MPHOSPH9: variants seen among roughly 807,000 people sequenced by gnomAD.
MPHOSPH9 encodes M-phase phosphoprotein 9.
In MPHOSPH9, 88 loss-of-function variants were observed where a neutral mutation model predicts 145.5. The ratio of observed to expected loss-of-function variants is 0.60; its 90% CI spans 0.51 to 0.72. The LOEUF (loss-of-function observed/expected upper bound fraction) is 0.72, where lower values mean the gene tolerates loss of function less well. MPHOSPH9 is among the 30% of genes least tolerant of loss of function. MPHOSPH9 has a pLI of 0.00. For missense variants in MPHOSPH9, 1,238 were observed against 1,386.6 expected (o/e 0.89, Z 1.70); for synonymous variants, 435 against 486.2 (o/e 0.89, Z 1.39).
At chr12:123,235,531 A>ATT (rs538804885), upstream of MPHOSPH9, among the ~76,000 whole-genome samples, 2 of 141,328 alleles carry the variant, frequency 1.4e-5, no homozygotes, top group Non-Finnish European at 3.1e-5. Context: ...GGCCCAGCTA[A>ATT]TTTTTTTTTT....
chr12:123,173,191 A>G (rs1412520161), intron 16 of MPHOSPH9, among the ~76,000 whole-genome samples: 1 of 152,006 alleles, frequency 6.6e-6, no homozygotes, highest in African/African-American at 2.4e-5. Flanking sequence ...TCACTCGAGT[A>G]CCCTCTGAAT....
chr12:123,234,478 C>T (rs1050508993), upstream of MPHOSPH9, among the ~76,000 whole-genome samples: 9 of 152,178 alleles, frequency 5.9e-5, no homozygotes, highest in Admixed American at 2.6e-4. Context: ...TCACTTTAAC[C>T]TCTGCCTCCC....
At chr12:123,181,325 G>C (rs1376972458) in intron 13 of MPHOSPH9, 115 bp from the exon 14 acceptor site, 1 of 783,502 alleles carries the variant, frequency 1.3e-6, no homozygotes, top group Non-Finnish European at 2.1e-6. Context: ...TGTCATGAAA[G>C]AGAAAGGTCA....
chr12:123,218,304 G>C (rs2047055762), intron 6 of MPHOSPH9, 72 bp downstream of exon 6: 8 of 1,568,228 alleles, frequency 5.1e-6, no homozygotes, highest in Non-Finnish European at 8.7e-7. Flanking sequence ...CAAGAGTTTT[G>C]TTCATGAGCG....
chr12:123,201,388 T>G lies in MPHOSPH9; in HGVS notation c.1937+776A>C, dbSNP rs929901250. Among the ~76,000 whole-genome samples the G allele has an allele frequency of 2.0e-5, 3 of 152,242 alleles. No homozygotes were observed. In the South Asian group the frequency reaches 6.2e-4, roughly 32 times the overall value. On this transcript the variant is annotated intron_variant, in intron 11 of 23. Transcript: ENST00000606320. ...ATTTTCAATCTATTTAAGTCCTATT[T>G]ATTTATTTAGAGACAGGGTGTCGCT...
At chr12:123,174,928 T>C (rs997569660) in intron 16 of MPHOSPH9, among the ~76,000 whole-genome samples, 2 of 152,154 alleles carry the variant, frequency 1.3e-5, no homozygotes, top group African/African-American at 4.8e-5. Flanking sequence ...CTATAGATCC[T>C]ACCTCTAGAA....
At chr12:123,186,862 G>A (rs2045466427) in intron 13 of MPHOSPH9, among the ~76,000 whole-genome samples, 1 of 152,192 alleles carries the variant, frequency 6.6e-6, no homozygotes, top group African/African-American at 2.4e-5. Flanking sequence ...TCAGGAGGCT[G>A]AGGCAAGAGA....
At chr12:123,220,560 C>T (rs1227912854) in intron 5 of MPHOSPH9, among the ~76,000 whole-genome samples, 1 of 151,528 alleles carries the variant, frequency 6.6e-6, no homozygotes, top group African/African-American at 2.4e-5. Context: ...AGCAAGACTC[C>T]ATATCAAAAA....
intron 3 of MPHOSPH9, chr12:123,226,197 A>G (rs1419345262): frequency 6.0e-6 from 2 of 332,508 alleles, no homozygotes; most frequent in Non-Finnish European, 9.0e-6. Context: ...AACAAGCATA[A>G]AGTATAAAAA....
chr12:123,228,456 A>C (rs540086902), intron 2 of MPHOSPH9, among the ~76,000 whole-genome samples: 9 of 152,312 alleles, frequency 5.9e-5, no homozygotes, highest in Non-Finnish European at 1.3e-4. Context: ...TTGGGAGGCC[A>C]AGGCGGGCGG....
chr12:123,183,800 T>C (rs2045313615), intron 13 of MPHOSPH9, among the ~76,000 whole-genome samples: 2 of 152,042 alleles, frequency 1.3e-5, no homozygotes, highest in Non-Finnish European at 1.5e-5. Context: ...AGCAGTAGAC[T>C]GTTCAGCCAG....
intron 16 of MPHOSPH9, among the ~76,000 whole-genome samples, chr12:123,175,814 T>G (rs1593100793): frequency 8.8e-6 from 1 of 114,112 alleles, no homozygotes; most frequent in East Asian, 2.8e-4. Context: ...TACTTACATC[T>G]TTTCTTTAAA....
chr12:123,229,583 A>C (rs1221113485), intron 2 of MPHOSPH9, among the ~76,000 whole-genome samples: 1 of 152,246 alleles, frequency 6.6e-6, no homozygotes, highest in East Asian at 1.9e-4. Context: ...GTATTTCTGC[A>C]ACATAAAACA....
chr12:123,202,709 TG>T lies in MPHOSPH9; in HGVS notation c.1695del (p.Ser566ValfsTer18). ...ENTVMVASAS[V>X]SQSQLPGTAN... ...GCTGTACCTGGAAGCTGGGACTGAC[TG>T]ACTGAGGCCGAAGCAACCATGACAG... On this transcript the variant is annotated frameshift_variant, in exon 10 of 24. Transcript: ENST00000606320. LOFTEE classifies it high-confidence loss of function. 1 of 1,614,208 alleles carries T rather than the reference TG, an allele frequency of 6.2e-7. No individual in the cohort carries two copies. Among genetic ancestry groups the T allele is most frequent in the Non-Finnish European group, 8.5e-7 (1 of 1,180,042 alleles).
intron 17 of MPHOSPH9, 84 bp from the exon 18 acceptor site, chr12:123,165,561 TG>T (rs773767128): frequency 1.6e-6 from 2 of 1,240,062 alleles, no homozygotes; most frequent in Non-Finnish European, 1.1e-6. Context: ...ACATACATGT[TG>T]AAGCCCTAAT....
chr12:123,176,055 CA>C (rs1388900388), intron 16 of MPHOSPH9, among the ~76,000 whole-genome samples: 1 of 152,012 alleles, frequency 6.6e-6, no homozygotes, highest in Admixed American at 6.6e-5. Context: ...CCTCATTTGA[CA>C]ATTACAACTT....
intron 13 of MPHOSPH9, among the ~76,000 whole-genome samples, chr12:123,189,588 A>G (rs547944914): frequency 3.9e-5 from 6 of 152,194 alleles, no homozygotes; most frequent in Non-Finnish European, 8.8e-5. Flanking sequence ...TGCTACTACT[A>G]CATGTATCCA....
intron 3 of MPHOSPH9, among the ~76,000 whole-genome samples, chr12:123,225,587 A>C (rs1220888670): frequency 6.6e-6 from 1 of 151,424 alleles, no homozygotes; most frequent in African/African-American, 2.4e-5. Context: ...CAGGGAATAT[A>C]TTCTGATTCT....
In MPHOSPH9 at chr12:123,221,579, A is replaced by G. The variant is rs745600791; in HGVS notation, c.665T>C (p.Ile222Thr). Residue 222 changes from isoleucine to threonine, a missense_variant, in exon 5 of 24, where the codon ATA becomes ACA. This residue lies in a region of MPHOSPH9 where 837 missense variants were observed against 897.5 expected (regional missense o/e 0.93). Coordinates refer to ENST00000606320, the MANE Select transcript of MPHOSPH9 (RefSeq NM_022782.4). ...TACATACTGTCCTTTGGGAACATCT[A>G]TGTGCTCCATGAACTCCTTAGGGTC... ...SKDPKEFMEH[I>T]DVPKGQYVAP... is the part of the protein sequence containing the mutation. 1.4e-5 allele frequency: 23 copies of G among 1,614,122 alleles called. No homozygotes were observed. The East Asian group carries it at 3.6e-4, about 25-fold the overall frequency.
Sources: gnomAD v4.1 joint callset for allele counts (sites outside exome capture counted in the v4.1 genomes callset) on GRCh38, gnomAD v4.1.1 for gene constraint, gnomAD v4.1.1 regional missense constraint, MANE v1.5 for transcripts, NCBI Gene and HGNC (gene_info 2026-07-23, HGNC 2026-07-21) for gene names.